The following SBF2 variants were observed in gnomAD, a reference collection of about 807,000 sequenced individuals.
The protein encoded by SBF2 is myotubularin-related protein 13.
A neutral mutation model predicts 225.2 loss-of-function variants in SBF2; 112 were observed. The observed-to-expected ratio is 0.50, with a 90% confidence interval of 0.43 to 0.58. SBF2 has a LOEUF of 0.58. SBF2 is among the 20% of genes least tolerant of loss of function. SBF2 has a pLI of 0.00. For missense variants in SBF2, 1,996 were observed against 2,206.2 expected, an observed-to-expected ratio of 0.90 and a Z score of 1.91; for synonymous variants, 763 against 773.3, an observed-to-expected ratio of 0.99 and a Z score of 0.22.
intron 1 of SBF2, among the ~76,000 whole-genome samples, chr11:10,299,372 A>C (rs1480433333): frequency 1.3e-5 from 2 of 149,902 alleles, no homozygotes; most frequent in African/African-American, 2.4e-5. Context: ...AGTGTCCTGC[A>C]GTTGCGGTCC....
chr11:9,785,457 GAGTT>G, intron 36 of SBF2, 139 bp from the exon 37 acceptor site: 1 of 727,236 alleles, frequency 1.4e-6, no homozygotes, highest in Admixed American at 2.3e-5. Context: ...ATCAATCTCA[GAGTT>G]AGTTATCGTG....
intron 2 of SBF2, among the ~76,000 whole-genome samples, chr11:10,178,710 A>T (rs1448490933): frequency 7.0e-6 from 1 of 143,790 alleles, no homozygotes; most frequent in Non-Finnish European, 1.5e-5. Context: ...GCTAGAGAGG[A>T]TGTGGAGAAA....
At chr11:10,226,024 G>A (rs969351068) in intron 1 of SBF2, among the ~76,000 whole-genome samples, 2 of 152,046 alleles carry the variant, frequency 1.3e-5, no homozygotes, top group Admixed American at 1.3e-4. Flanking sequence ...ATATAAGCCT[G>A]TTTACTATAA....
chr11:9,909,299 TTACCCCCA>T (rs1271814464), intron 16 of SBF2, among the ~76,000 whole-genome samples: 13 of 151,688 alleles, frequency 8.6e-5, no homozygotes, highest in Non-Finnish European at 1.8e-4. Flanking sequence ...GGTTTTGTAT[TTACCCCCA>T]TACTTTCTCT....
chr11:10,115,500 C>T lies in SBF2; in HGVS notation c.142-72519G>A, dbSNP rs60493891. On this transcript the variant is annotated intron_variant, in intron 2 of 39. Coordinates refer to ENST00000256190, the MANE Select transcript of SBF2 (RefSeq NM_030962.4). ...AGATCCAAACCTACTGGCTCATGTGCACACACAGAAATATACTACATTCCC... is the reference window on the plus strand; with the variant it reads ...AGATCCAAACCTACTGGCTCATGTGTACACACAGAAATATACTACATTCCC... Among the ~76,000 whole-genome samples, 188 of 152,300 alleles carry T rather than the reference C, an allele frequency of 1.2e-3. 5 individuals are homozygous for T. In the East Asian group the frequency reaches 0.034, roughly 28 times the overall value.
At chr11:9,805,105 C>T (rs1202254726) in intron 32 of SBF2, among the ~76,000 whole-genome samples, 1 of 151,984 alleles carries the variant, frequency 6.6e-6, no homozygotes, top group Non-Finnish European at 1.5e-5. Flanking sequence ...AATTAACCAG[C>T]TGTGGTGGTG....
intron 24 of SBF2, among the ~76,000 whole-genome samples, chr11:9,843,158 G>T (rs1365499780): frequency 6.6e-6 from 1 of 152,134 alleles, no homozygotes; most frequent in Non-Finnish European, 1.5e-5. Context: ...TACATGGAAA[G>T]CCAGCCTGCC....
chr11:9,979,042 A>C (rs942357491), intron 13 of SBF2, among the ~76,000 whole-genome samples: 8 of 152,216 alleles, frequency 5.3e-5, no homozygotes, highest in Non-Finnish European at 1.0e-4. Context: ...TACTGGAAAC[A>C]TCGTTTTTTC....
intron 1 of SBF2, among the ~76,000 whole-genome samples, chr11:10,235,765 T>C (rs1467828539): frequency 4.6e-5 from 7 of 152,214 alleles, no homozygotes; most frequent in Non-Finnish European, 7.3e-5. Context: ...AATTGAATCA[T>C]TGCTGCATCT....
intron 13 of SBF2, among the ~76,000 whole-genome samples, chr11:9,981,243 G>A (rs1327426381): frequency 6.6e-6 from 1 of 152,056 alleles, no homozygotes; most frequent in African/African-American, 2.4e-5. Flanking sequence ...ATCTTCCCCA[G>A]AAGCTAAATA....
At chr11:10,030,760 G>A (rs986959020) in intron 4 of SBF2, among the ~76,000 whole-genome samples, 2 of 151,982 alleles carry the variant, frequency 1.3e-5, no homozygotes, top group African/African-American at 4.8e-5. Context: ...ATTTACTACA[G>A]GTAATCAAAT....
intron 1 of SBF2, among the ~76,000 whole-genome samples, chr11:10,277,478 G>A (rs1963051272): frequency 6.6e-6 from 1 of 152,150 alleles, no homozygotes; most frequent in South Asian, 2.1e-4. Flanking sequence ...TATCCAGATA[G>A]ATTTCCTAAT....
chr11:9,847,542 A>G (rs181409364), intron 22 of SBF2, among the ~76,000 whole-genome samples: 1 of 151,804 alleles, frequency 6.6e-6, no homozygotes, highest in Admixed American at 6.6e-5. Flanking sequence ...ATACTCCTCA[A>G]GTATTGAAAA....
chr11:9,857,153 T>C (rs360167), intron 18 of SBF2, among the ~76,000 whole-genome samples: 1 of 151,976 alleles, frequency 6.6e-6, no homozygotes, highest in Admixed American at 6.6e-5. Flanking sequence ...AACATAAACA[T>C]AACATAACAA....
chr11:9,780,334 G>T lies in SBF2; in HGVS notation c.*84C>A. On this transcript the variant is annotated 3_prime_UTR_variant, in exon 40 of 40. Coordinates refer to ENST00000256190, the MANE Select transcript of SBF2 (RefSeq NM_030962.4). ...CAGGCCCTGGGATAACTTGTTGTCA[G>T]CTCCTCAAGGATCCATGCTTCTTTT... 8.3e-7 allele frequency: 1 copy of T among 1,207,556 alleles called. No homozygotes were observed. The highest frequency in any genetic ancestry group is 1.2e-6 in the Non-Finnish European group (1 of 831,214). 74.8% of individuals were successfully genotyped at this position (1,207,556 alleles called of 1,614,324 possible).
chr11:10,185,166 C>T (rs1956887350), intron 2 of SBF2, among the ~76,000 whole-genome samples: 1 of 151,970 alleles, frequency 6.6e-6, no homozygotes, highest in South Asian at 2.1e-4. Context: ...GTCTATTCAT[C>T]TGTCTATGGA....
intron 3 of SBF2, among the ~76,000 whole-genome samples, chr11:10,033,291 A>G (rs1411130550): frequency 4.6e-5 from 7 of 152,164 alleles, no homozygotes; most frequent in Non-Finnish European, 1.0e-4. Context: ...CTAGAGTACC[A>G]TTAGAAGCCA....
intron 2 of SBF2, among the ~76,000 whole-genome samples, chr11:10,146,678 C>G (rs1429011300): frequency 6.6e-6 from 1 of 152,064 alleles, no homozygotes; most frequent in African/African-American, 2.4e-5. Flanking sequence ...GAGTTCATGA[C>G]AAAGATGCCA....
At chr11:9,997,443 C>T (rs1271656398) in intron 9 of SBF2, among the ~76,000 whole-genome samples, 2 of 152,144 alleles carry the variant, frequency 1.3e-5, no homozygotes, top group Non-Finnish European at 2.9e-5. Context: ...TTGAATGTAG[C>T]ATATACTTCT....
Sources: allele counts gnomAD v4.1 joint callset (sites outside exome capture counted in the v4.1 genomes callset), GRCh38; gene constraint gnomAD v4.1.1; transcripts MANE v1.5; gene names NCBI Gene and HGNC (gene_info 2026-07-23, HGNC 2026-07-21).